The following TRERF1 variants were observed in gnomAD, a reference collection of about 807,000 sequenced individuals.
TRERF1 encodes the protein transcriptional regulating factor 1.
A neutral mutation model predicts 122.9 loss-of-function variants in TRERF1; 27 were observed. The ratio of observed to expected loss-of-function variants is 0.22; its 90% CI spans 0.16 to 0.30. The LOEUF (loss-of-function observed/expected upper bound fraction) is 0.30, where lower values mean the gene tolerates loss of function less well. Among genes scored for constraint, TRERF1 ranks in the 10% least tolerant of loss-of-function variants. TRERF1 has a pLI of 1.00. For missense variants in TRERF1, 1,248 were observed against 1,560.3 expected, an observed-to-expected ratio of 0.80 and a Z score of 3.37; for synonymous variants, 636 against 641.7, an observed-to-expected ratio of 0.99 and a Z score of 0.13.
chr6:42,346,040 C>T (rs1581707060), intron 3 of TRERF1, among the ~76,000 whole-genome samples: 1 of 152,362 alleles, frequency 6.6e-6, no homozygotes, highest in African/African-American at 2.4e-5. Context: ...AGGAAGAAAA[C>T]AATTGCACTC....
intron 2 of TRERF1, among the ~76,000 whole-genome samples, chr6:42,371,247 G>A (rs1773712233): frequency 6.6e-6 from 1 of 152,158 alleles, no homozygotes; most frequent in Admixed American, 6.5e-5. Flanking sequence ...GCACGTCCAA[G>A]GCCTAGCAGA....
intron 2 of TRERF1, among the ~76,000 whole-genome samples, chr6:42,421,729 G>A (rs1171929755): frequency 2.0e-5 from 3 of 151,796 alleles, no homozygotes; most frequent in Non-Finnish European, 4.4e-5. Context: ...AACTGAGATC[G>A]TGCAGTTACA....
intron 2 of TRERF1, among the ~76,000 whole-genome samples, chr6:42,416,345 C>T (rs1781834052): frequency 6.6e-6 from 1 of 152,138 alleles, no homozygotes; most frequent in Admixed American, 6.5e-5. Flanking sequence ...AAAATTTTGG[C>T]TACTTGCTTG....
chr6:42,346,508 C>T (rs1156537105), intron 3 of TRERF1, among the ~76,000 whole-genome samples: 4 of 152,116 alleles, frequency 2.6e-5, no homozygotes, highest in East Asian at 1.9e-4. Context: ...CAATCCACAG[C>T]GATCCAGAGC....
chr6:42,431,059 CA>C (rs535412294), intron 2 of TRERF1, among the ~76,000 whole-genome samples: 2,843 of 68,628 alleles, frequency 0.041, 66 homozygotes, highest in African/African-American at 0.12. Context: ...GACTCAGTCT[CA>C]AAAAAAAAAA....
Position 42,283,836 on chromosome 6 carries a change from G to A in TRERF1, c.-258-13988C>T, listed in dbSNP as rs557892866. ...TCTCCATGTTGGTCAGGCTGGTCTC[G>A]AACTCCCAACCTCAGGCAATCTGCC... On this transcript the variant is annotated intron_variant, in intron 4 of 17. Transcript: ENST00000372922. 2.0e-5 allele frequency among the ~76,000 whole-genome samples: 3 copies of A among 151,678 alleles called. 1 individual carries two copies. The highest frequency in any genetic ancestry group is 1.3e-4 in the Admixed American group (2 of 15,228).
At chr6:42,229,938 A>T (rs1415625506) in intron 17 of TRERF1, among the ~76,000 whole-genome samples, 1 of 152,190 alleles carries the variant, frequency 6.6e-6, no homozygotes, top group Non-Finnish European at 1.5e-5. Flanking sequence ...CTGCAATGGC[A>T]CAGCTGAGCA....
Position 42,269,543 on chromosome 6 carries a change from A to G in TRERF1, c.48T>C (p.Ser16=). The G allele has an allele frequency of 6.2e-7, 1 of 1,614,162 alleles. No homozygotes were observed. The highest frequency in any genetic ancestry group is 8.5e-7 in the Non-Finnish European group (1 of 1,180,020). Residue 16 remains serine, a synonymous_variant, in exon 5 of 18, where the codon AGT becomes AGC. Coordinates refer to ENST00000372922, the Ensembl canonical transcript of TRERF1. The surrounding 1 kb of genome is among the most constrained non-coding windows in gnomAD (Gnocchi z 4.9). ...GTGGCTGTTGGTAGAAAAGGTTCTC[A>G]CTACCATGGGCCACATGGTTGGTCT...
chr6:42,306,293 C>A (rs939920035), intron 3 of TRERF1, among the ~76,000 whole-genome samples: 3 of 152,238 alleles, frequency 2.0e-5, no homozygotes, highest in South Asian at 4.1e-4. Context: ...TGAGCCACCA[C>A]GCCCGGCCAA....
chr6:42,368,147 G>A (rs1248738813), intron 2 of TRERF1, among the ~76,000 whole-genome samples: 1 of 152,100 alleles, frequency 6.6e-6, no homozygotes, highest in Non-Finnish European at 1.5e-5. Context: ...CGTGGAATGG[G>A]CCCTGCATCC....
chr6:42,292,890 T>C (rs1784532303), intron 4 of TRERF1, among the ~76,000 whole-genome samples: 1 of 152,250 alleles, frequency 6.6e-6, no homozygotes, highest in Non-Finnish European at 1.5e-5. Context: ...AGTGATATTC[T>C]ACTTCGTTTT....
chr6:42,229,710 ACT>A (rs1562096490), intron 17 of TRERF1, among the ~76,000 whole-genome samples: 2 of 152,016 alleles, frequency 1.3e-5, no homozygotes, highest in Non-Finnish European at 2.9e-5. Flanking sequence ...CACAGAGGAC[ACT>A]CCCTCTTCGC....
At chr6:42,303,630 T>C (rs1208356898) in intron 3 of TRERF1, among the ~76,000 whole-genome samples, 2 of 152,084 alleles carry the variant, frequency 1.3e-5, no homozygotes, top group Non-Finnish European at 2.9e-5. Flanking sequence ...ATGTACAGGT[T>C]TGGCTGCGCA....
intron 16 of TRERF1, among the ~76,000 whole-genome samples, chr6:42,235,749 C>T (rs1226505679): frequency 6.6e-6 from 1 of 152,110 alleles, no homozygotes; most frequent in African/African-American, 2.4e-5. Context: ...ATGTGAAATG[C>T]AAAACCTTCT....
rs200009886 is a variant in TRERF1 at position 42,364,835 on chromosome 6, AAG to A, written c.-453-1758_-453-1757del. Among the ~76,000 whole-genome samples, 654 of 152,258 alleles carry A rather than the reference AAG, an allele frequency of 4.3e-3. 2 individuals carry two copies. The highest frequency in any genetic ancestry group is 0.015 in the African/African-American group (614 of 41,550). ...GTAAGGGGAGGAGAAAAGAGAAGGT[AAG>A]GCTGAGGGGTGTGAAGGGCTGAGGA... On this transcript the variant is annotated intron_variant, in intron 2 of 17. Coordinates refer to ENST00000372922, the Ensembl canonical transcript of TRERF1.
intron 2 of TRERF1, among the ~76,000 whole-genome samples, chr6:42,396,443 T>G (rs1420672687): frequency 6.6e-6 from 1 of 152,114 alleles, no homozygotes; most frequent in African/African-American, 2.4e-5. Context: ...ATTTACACAG[T>G]GCTAAATTTA....
At chr6:42,280,344 C>T (rs538628908) in intron 4 of TRERF1, among the ~76,000 whole-genome samples, 3 of 152,330 alleles carry the variant, frequency 2.0e-5, no homozygotes, top group African/African-American at 7.2e-5. Context: ...GGATCCGGTT[C>T]TGGCCTCCTT....
chr6:42,358,912 A>T, intron 3 of TRERF1, among the ~76,000 whole-genome samples: 1 of 152,048 alleles, frequency 6.6e-6, no homozygotes, highest in East Asian at 1.9e-4. Context: ...AGGTATCAAA[A>T]TGGTGGCAAG....
chr6:42,259,686 G>C lies in TRERF1; in HGVS notation c.1922C>G (p.Ala641Gly). The C allele has an allele frequency of 1.2e-6, 2 of 1,606,588 alleles. No individual in the cohort carries two copies. Among genetic ancestry groups the C allele is most frequent in the East Asian group, 4.5e-5 (2 of 44,864 alleles). Reference sequence around the variant, plus strand: ...CTGCACGGTCTTGAGGGGCTCCTCGGCTTTGGGCACACTCGGCTGATGCTT... The same window carrying C: ...CTGCACGGTCTTGAGGGGCTCCTCGCCTTTGGGCACACTCGGCTGATGCTT... Residue 641 changes from alanine (A) to glycine (G), a missense_variant, in exon 9 of 18, where the codon GCC becomes GGC. Transcript: ENST00000372922. This position sits in a 1 kb window ranked among gnomAD's most constrained non-coding sequence, Gnocchi z 4.9.
Sources: gnomAD v4.1 joint callset for allele counts (sites outside exome capture counted in the v4.1 genomes callset) on GRCh38, gnomAD v4.1.1 for gene constraint, Gnocchi (gnomAD v3.1) non-coding constraint, MANE v1.5 for transcripts, NCBI Gene and HGNC (gene_info 2026-07-23, HGNC 2026-07-21) for gene names.